The following EXOC5 variants were observed in gnomAD, a reference collection of about 807,000 sequenced individuals.
The protein encoded by EXOC5 is exocyst complex component 5, also known as SEC10-like 1.
A neutral mutation model predicts 90.8 loss-of-function variants in EXOC5; 17 were observed. The ratio of observed to expected loss-of-function variants is 0.19; its 90% confidence interval spans 0.13 to 0.28. The LOEUF (loss-of-function observed/expected upper bound fraction) is 0.28, where lower values mean the gene tolerates loss of function less well. Among genes scored for constraint, EXOC5 ranks in the 10% least tolerant of loss-of-function variants. The probability of loss-of-function intolerance (pLI) is 1.00; values close to 1 mark genes in which losing one functional copy is unlikely to be tolerated. For missense variants in EXOC5, 569 were observed against 830.6 expected (o/e 0.69, Z 3.87); for synonymous variants, 260 against 270.0 (o/e 0.96, Z 0.36).
intron 1 of EXOC5, among the ~76,000 whole-genome samples, chr14:57,252,940 A>C (rs1266764010): frequency 6.6e-6 from 1 of 152,214 alleles, no homozygotes; most frequent in African/African-American, 2.4e-5. Context: ...TCACAAGGGA[A>C]TACTACTCAG....
intron 12 of EXOC5, among the ~76,000 whole-genome samples, chr14:57,227,113 AT>A (rs1299544475): frequency 6.6e-6 from 1 of 152,228 alleles, no homozygotes; most frequent in Non-Finnish European, 1.5e-5. Context: ...AAAACACACG[AT>A]TGATTTAAAA....
Position 57,233,976 on chromosome 14 carries a change from CTGTTA to C in EXOC5, c.714+7_714+11del, listed in dbSNP as rs1566731475. ...ATAAAATAATATCCAACAAAGTGTA[CTGTTA>C]TGTTACCTCCTGGCACTGCTTTATA... On this transcript the variant is annotated splice_region_variant and intron_variant, in intron 8 of 17. Transcript: ENST00000621441. The C allele has an allele frequency of 1.1e-5, 17 of 1,599,078 alleles. No homozygotes were observed. Among genetic ancestry groups the C allele is most frequent in the Non-Finnish European group, 1.4e-5 (16 of 1,166,630 alleles).
chr14:57,202,592 CTT>C lies in EXOC5; in HGVS notation c.*6015_*6016del, dbSNP rs1198188667. The stretch of plus-strand genomic sequence containing the variant: ...AATGTAGAACACTAATCAGTAGATT[CTT>C]ATTAGAGTTGATAAAGGAATTCAAT... On this transcript the variant is annotated 3_prime_UTR_variant, in exon 18 of 18. Transcript: ENST00000621441. 1 of 152,080 alleles carries C rather than the reference CTT, an allele frequency of 6.6e-6. No individual in the cohort carries two copies. The highest frequency in any genetic ancestry group is 1.5e-5 in the Non-Finnish European group (1 of 68,014). 9.4% of individuals were successfully genotyped at this position (152,080 alleles called of 1,614,324 possible).
intron 1 of EXOC5, among the ~76,000 whole-genome samples, chr14:57,259,021 C>T (rs1377785727): frequency 6.6e-6 from 1 of 152,034 alleles, no homozygotes; most frequent in Admixed American, 6.6e-5. Context: ...TTATGGATAC[C>T]ACTGTCTAAC....
At chr14:57,223,178 C>T (rs1883205802) in intron 12 of EXOC5, among the ~76,000 whole-genome samples, 1 of 152,036 alleles carries the variant, frequency 6.6e-6, no homozygotes, top group African/African-American at 2.4e-5. Flanking sequence ...ACATAGTGAG[C>T]TTACAATATT....
chr14:57,221,773 TAAAG>T (rs1214978233), intron 13 of EXOC5, among the ~76,000 whole-genome samples: 1 of 152,120 alleles, frequency 6.6e-6, no homozygotes, highest in Non-Finnish European at 1.5e-5. Flanking sequence ...AGAGGGAAGA[TAAAG>T]AGTTTCATTT....
At chr14:57,244,949 T>C (rs1883991562) in intron 3 of EXOC5, among the ~76,000 whole-genome samples, 1 of 150,764 alleles carries the variant, frequency 6.6e-6, no homozygotes, top group Non-Finnish European at 1.5e-5. Context: ...TGAGCTGAGA[T>C]TGCACCACTG....
At chr14:57,214,943 G>A (rs912246909) in intron 15 of EXOC5, among the ~76,000 whole-genome samples, 1 of 152,046 alleles carries the variant, frequency 6.6e-6, no homozygotes, top group African/African-American at 2.4e-5. Context: ...ATGAAGAGAA[G>A]AATCGGCTGG....
chr14:57,255,446 A>G (rs1884322672), intron 1 of EXOC5, among the ~76,000 whole-genome samples: 1 of 152,162 alleles, frequency 6.6e-6, no homozygotes, highest in Admixed American at 6.6e-5. Context: ...CCCAGTTTAC[A>G]GCAAAGGAGG....
intron 15 of EXOC5, among the ~76,000 whole-genome samples, chr14:57,216,279 G>GAAAA (rs75662960): frequency 3.6e-4 from 48 of 133,590 alleles, no homozygotes; most frequent in African/African-American, 1.2e-3. Context: ...CACAGAAATA[G>GAAAA]AAAAAAAAAA....
intron 14 of EXOC5, 23 bp from the exon 15 acceptor site, chr14:57,218,091 A>T (rs1384400819): frequency 8.6e-7 from 1 of 1,156,752 alleles, no homozygotes; most frequent in Non-Finnish European, 1.3e-6. Flanking sequence ...TAAAATGGAA[A>T]AAGAATCATA....
At chr14:57,237,456 C>A (rs1883695972) in intron 5 of EXOC5, 90 bp from the exon 6 acceptor site, 1 of 771,552 alleles carries the variant, frequency 1.3e-6, no homozygotes. Flanking sequence ...AAACTGGGTG[C>A]AGGAGATACG....
intron 1 of EXOC5, among the ~76,000 whole-genome samples, chr14:57,254,829 T>C (rs1051681313): frequency 6.6e-6 from 1 of 152,166 alleles, no homozygotes; most frequent in Non-Finnish European, 1.5e-5. Flanking sequence ...GCCTACAAGC[T>C]AAGAGAAGAG....
intron 1 of EXOC5, among the ~76,000 whole-genome samples, chr14:57,261,057 CAA>C (rs1566507475): frequency 6.6e-6 from 1 of 152,104 alleles, no homozygotes; most frequent in Admixed American, 6.5e-5. Flanking sequence ...TTCTCATTTT[CAA>C]ATTTCGGCTT....
In EXOC5 at chr14:57,202,881, AC is replaced by A. The variant is rs1008509614; in HGVS notation, c.*5727del. On this transcript the variant is annotated 3_prime_UTR_variant, in exon 18 of 18. Coordinates refer to ENST00000621441, the MANE Select transcript of EXOC5 (RefSeq NM_006544.4). ...AAATGTACATATTACTATAAAAATA[AC>A]TTCTCCCCCTTGTGGCAAAAATTGA... 18 of 152,300 alleles carry A rather than the reference AC, an allele frequency of 1.2e-4. No homozygotes were observed. The highest frequency in any genetic ancestry group is 3.6e-4 in the African/African-American group (15 of 41,576). 9.4% of individuals were successfully genotyped at this position (152,300 alleles called of 1,614,324 possible).
In EXOC5 at chr14:57,233,445, A is replaced by G. The variant is rs200480583; in HGVS notation, c.855+298T>C. On this transcript the variant is annotated intron_variant, in intron 9 of 17. Coordinates refer to ENST00000621441, the MANE Select transcript of EXOC5 (RefSeq NM_006544.4). ...ACAAATGACATCTATTGGTGAAGGCAGGGACCAAAAAAAAAGAAAAATCTT... is the reference window on the plus strand; with the variant it reads ...ACAAATGACATCTATTGGTGAAGGCGGGGACCAAAAAAAAAGAAAAATCTT... Among the ~76,000 whole-genome samples, 42 of 152,164 alleles carry G rather than the reference A, an allele frequency of 2.8e-4. No homozygotes were observed. The East Asian group carries it at 7.5e-3, about 27-fold the overall frequency.
chr14:57,260,360 A>T (rs1314416324), intron 1 of EXOC5, among the ~76,000 whole-genome samples: 1 of 152,202 alleles, frequency 6.6e-6, no homozygotes, highest in African/African-American at 2.4e-5. Flanking sequence ...CTACTTGCAC[A>T]AACACTACAA....
At chr14:57,209,255 G>A (rs1347303890) in intron 17 of EXOC5, among the ~76,000 whole-genome samples, 1 of 151,888 alleles carries the variant, frequency 6.6e-6, no homozygotes, top group Non-Finnish European at 1.5e-5. Context: ...GGCCAGATGT[G>A]GTGGCTCATT....
chr14:57,250,075 G>A (rs1195923341), intron 1 of EXOC5, among the ~76,000 whole-genome samples: 2 of 152,108 alleles, frequency 1.3e-5, no homozygotes, highest in Admixed American at 6.6e-5. Flanking sequence ...CCTGGCCAGA[G>A]TGAGATTATC....
Sources: allele counts gnomAD v4.1 joint callset (sites outside exome capture counted in the v4.1 genomes callset), GRCh38; gene constraint gnomAD v4.1.1; transcripts MANE v1.5; gene names NCBI Gene and HGNC (gene_info 2026-07-23, HGNC 2026-07-21).